ATOSB: variants seen among roughly 807,000 people sequenced by gnomAD.
The protein encoded by ATOSB is atos homolog protein B.
At chr9:35,112,613 G>C in the ATOSB span, among the ~76,000 whole-genome samples, 1 of 152,168 alleles carries the variant, frequency 6.6e-6, no homozygotes, top group Non-Finnish European at 1.5e-5. Flanking sequence ...ACACTTTCTA[G>C]AGGGTACTCT....
chr9:35,104,750 ACCGCATAAG>A, the ATOSB span: 1 of 240,650 alleles, frequency 4.2e-6, no homozygotes, highest in Non-Finnish European at 9.5e-6. Context: ...TCCTGCCCCC[ACCGCATAAG>A]CCTCTTCAAC....
At chr9:35,108,199 C>A in the ATOSB span, 1 of 1,595,928 alleles carries the variant, frequency 6.3e-7, no homozygotes, top group East Asian at 2.3e-5. Context: ...TGGAGGGCCC[C>A]CTGCCTGACT....
the ATOSB span, among the ~76,000 whole-genome samples, chr9:35,107,050 T>C: frequency 2.0e-5 from 3 of 152,082 alleles, no homozygotes; most frequent in Non-Finnish European, 4.4e-5. Flanking sequence ...ACAGGCGCAG[T>C]GGCTTGAGCG....
At chr9:35,105,396 A>G in the ATOSB span, 1 of 1,594,034 alleles carries the variant, frequency 6.3e-7, no homozygotes, top group Non-Finnish European at 8.6e-7. This position sits in a 1 kb window ranked among gnomAD's most constrained non-coding sequence, Gnocchi z 5.5. Flanking sequence ...CAATGTGATC[A>G]ACGTAAGAAT....
the ATOSB span, chr9:35,105,093 T>G: frequency 2.9e-6 from 3 of 1,024,110 alleles, no homozygotes; most frequent in Non-Finnish European, 4.2e-6. This position sits in a 1 kb window ranked among gnomAD's most constrained non-coding sequence, Gnocchi z 5.5. Context: ...AATAATCCAT[T>G]TGGGCGTGAG....
At chr9:35,106,370 A>G in the ATOSB span, 3 of 1,614,116 alleles carry the variant, frequency 1.9e-6, no homozygotes, top group South Asian at 1.1e-5. The surrounding 1 kb of genome is among the most constrained non-coding windows in gnomAD (Gnocchi z 4.6). Flanking sequence ...GAAGCCCTCA[A>G]TGTGGCCAGA....
At chr9:35,110,056 C>A in the ATOSB span, 11 of 152,174 alleles carry the variant, frequency 7.2e-5, no homozygotes, top group African/African-American at 2.4e-4. Context: ...GGGGAGCAGG[C>A]AGAAAGGAGA....
At chr9:35,111,074 G>C in the ATOSB span, 2 of 152,536 alleles carry the variant, frequency 1.3e-5, no homozygotes, top group African/African-American at 2.4e-5. Context: ...AGAGGGGAGA[G>C]AGCAGACCTT....
At chr9:35,108,671 A>T in the ATOSB span, 3 of 1,011,352 alleles carry the variant, frequency 3.0e-6, no homozygotes, top group Non-Finnish European at 3.5e-6. Flanking sequence ...TTGCAGTCTG[A>T]TCCATGCCTG....
At chr9:35,105,198 G>T in the ATOSB span, 3 of 1,595,466 alleles carry the variant, frequency 1.9e-6, no homozygotes, top group Non-Finnish European at 2.6e-6. This position sits in a 1 kb window ranked among gnomAD's most constrained non-coding sequence, Gnocchi z 5.5. Context: ...TCATTAGCCC[G>T]CATGGGTTCA....
At chr9:35,104,757 A>C in the ATOSB span, 3 of 210,982 alleles carry the variant, frequency 1.4e-5, no homozygotes, top group African/African-American at 7.1e-5. Context: ...CCCACCGCAT[A>C]AGCCTCTTCA....
the ATOSB span, among the ~76,000 whole-genome samples, chr9:35,112,718 C>T: frequency 1.3e-5 from 2 of 152,108 alleles, no homozygotes; most frequent in African/African-American, 2.4e-5. Context: ...CTTTTTCTCC[C>T]GGTCCTTCAC....
At chr9:35,116,355 C>G in the ATOSB span, 1 of 152,512 alleles carries the variant, frequency 6.6e-6, no homozygotes, top group Admixed American at 6.5e-5. Context: ...GGTCGCAGGT[C>G]GCCTGAGGTC....
chr9:35,106,604 C>T, the ATOSB span: 7 of 1,563,396 alleles, frequency 4.5e-6, no homozygotes, highest in Admixed American at 1.4e-4. This position sits in a 1 kb window ranked among gnomAD's most constrained non-coding sequence, Gnocchi z 4.6. Context: ...TGGGGGGGCT[C>T]AGCAGGCCTG....
At chr9:35,110,285 T>C in the ATOSB span, 1 of 152,332 alleles carries the variant, frequency 6.6e-6, no homozygotes, top group African/African-American at 2.4e-5. Flanking sequence ...CACTAATTTC[T>C]ACCCTTCTTT....
chr9:35,106,179 C>T, the ATOSB span: 2 of 1,595,596 alleles, frequency 1.3e-6, no homozygotes, highest in Non-Finnish European at 1.7e-6. The surrounding 1 kb of genome is among the most constrained non-coding windows in gnomAD (Gnocchi z 4.6). Flanking sequence ...AGAAATACCT[C>T]TTGCCCCCTG....
the ATOSB span, chr9:35,106,610 G>A: frequency 6.4e-7 from 1 of 1,561,528 alleles, no homozygotes; most frequent in Non-Finnish European, 8.7e-7. The surrounding 1 kb of genome is among the most constrained non-coding windows in gnomAD (Gnocchi z 4.6). Flanking sequence ...GGCTCAGCAG[G>A]CCTGGCCCCT....
At chr9:35,105,168 G>T in the ATOSB span, 2 of 1,553,548 alleles carry the variant, frequency 1.3e-6, no homozygotes, top group Non-Finnish European at 1.8e-6. This position sits in a 1 kb window ranked among gnomAD's most constrained non-coding sequence, Gnocchi z 5.5. Context: ...TGTTCTCTAA[G>T]ATGGAGCAGG....
the ATOSB span, chr9:35,107,343 A>C: frequency 6.5e-7 from 1 of 1,531,282 alleles, no homozygotes. Context: ...AAAAAAAAAA[A>C]GTAAAAAAAG....
Sources: allele counts gnomAD v4.1 joint callset (sites outside exome capture counted in the v4.1 genomes callset), GRCh38; gene constraint gnomAD v4.1.1; non-coding constraint Gnocchi (gnomAD v3.1); transcripts MANE v1.5; gene names NCBI Gene and HGNC (gene_info 2026-07-23, HGNC 2026-07-21).